Variants in TRAM2 observed in about 807,000 individuals in gnomAD.
The protein encoded by TRAM2 is translocating chain-associated membrane protein 2.
TRAM2 carries 12 observed loss-of-function variants against 51.0 expected under a neutral mutation model. That is an observed-to-expected ratio of 0.24 (90% CI 0.15 to 0.38). The LOEUF (loss-of-function observed/expected upper bound fraction) is 0.38. Ranked by LOEUF, TRAM2 falls within the 10% of genes least tolerant of loss-of-function variation. The probability of loss-of-function intolerance (pLI) is 1.00; values close to 1 mark genes in which losing one functional copy is unlikely to be tolerated. For missense variants in TRAM2, 361 were observed against 462.0 expected (o/e 0.78, Z 2.00); for synonymous variants, 175 against 179.4 (o/e 0.98, Z 0.20).
chr6:52,577,050 G>C lies in TRAM2; in HGVS notation c.-135C>G, dbSNP rs1314374393. 7 of 1,043,720 alleles carry C rather than the reference G, an allele frequency of 6.7e-6. No homozygotes were observed. Among genetic ancestry groups the C allele is most frequent in the East Asian group, 4.4e-5 (1 of 22,556 alleles). 64.7% of individuals were successfully genotyped at this position (1,043,720 alleles called of 1,614,324 possible). On this transcript the variant is annotated 5_prime_UTR_variant, in exon 1 of 11. Transcript: ENST00000182527. ...CCACAGCCGCTCGCCCGCCCAGCGC[G>C]GAACAACTTCGGGGCCCGCCCCCTT... is the stretch of plus-strand genomic sequence containing the variant.
chr6:52,522,201 G>A (rs903162301), intron 2 of TRAM2, among the ~76,000 whole-genome samples: 1 of 152,182 alleles, frequency 6.6e-6, no homozygotes. Flanking sequence ...ATAAATACAC[G>A]TTAAAACTGA....
At chr6:52,545,255 CCCT>C (rs1389826291) in intron 1 of TRAM2, among the ~76,000 whole-genome samples, 1 of 151,926 alleles carries the variant, frequency 6.6e-6, no homozygotes, top group Non-Finnish European at 1.5e-5. Flanking sequence ...GCATCAGACA[CCCT>C]CGGCCATGGC....
chr6:52,543,042 C>T (rs77597761), intron 1 of TRAM2, among the ~76,000 whole-genome samples: 12,342 of 152,192 alleles, frequency 0.081, 724 homozygotes, highest in Non-Finnish European at 0.12. Context: ...TGTATTTATG[C>T]AATTTATGCT....
intron 2 of TRAM2, among the ~76,000 whole-genome samples, chr6:52,531,643 G>C (rs1766894455): frequency 6.6e-6 from 1 of 152,184 alleles, no homozygotes; most frequent in Non-Finnish European, 1.5e-5. Context: ...GCCCTCACTT[G>C]AGGGCTTTTG....
intron 1 of TRAM2, 138 bp downstream of exon 1, chr6:52,576,658 C>T: frequency 1.6e-6 from 2 of 1,226,662 alleles, no homozygotes; most frequent in Non-Finnish European, 2.2e-6. Context: ...GTACAGTGCA[C>T]AAAGCCGGGG....
rs151100207 is a variant in TRAM2 at position 52,546,192 on chromosome 6, C to T, written c.121-10346G>A. Among the ~76,000 whole-genome samples the T allele has an allele frequency of 5.2e-3, 795 of 152,170 alleles. 1 individual carries two copies. Among genetic ancestry groups the T allele is most frequent in the Middle Eastern group, 0.031 (9 of 294 alleles). ...CTACAGGCTGAGGGAACTGCATGCA[C>T]TAAAGCAGAGAGAAGGGAGAAATGT... is the stretch of plus-strand genomic sequence containing the variant. On this transcript the variant is annotated intron_variant, in intron 1 of 10. Transcript: ENST00000182527.
chr6:52,565,423 G>A (rs74544247), intron 1 of TRAM2, among the ~76,000 whole-genome samples: 19,459 of 152,072 alleles, frequency 0.13, 1,434 homozygotes, highest in African/African-American at 0.17. Context: ...TGCGGGCTTC[G>A]GTTCCGGTAT....
intron 1 of TRAM2, among the ~76,000 whole-genome samples, chr6:52,556,289 T>G (rs1436639894): frequency 1.3e-5 from 2 of 149,200 alleles, no homozygotes; most frequent in Non-Finnish European, 3.0e-5. Context: ...GTTTGGCTTT[T>G]TTTTTTTTTG....
Position 52,499,617 on chromosome 6 carries a change from AC to A in TRAM2, c.*3579del, listed in dbSNP as rs1044116793. ...TAGCTGCTTAGAAAAAAGAAGGGGT[AC>A]TGACAAAGGAGGTCCCAAAAGAGAC... On this transcript the variant is annotated 3_prime_UTR_variant, in exon 11 of 11. Transcript: ENST00000182527. The A allele has an allele frequency of 9.2e-5, 14 of 152,120 alleles. No homozygotes were observed. The highest frequency in any genetic ancestry group is 3.4e-4 in the African/African-American group (14 of 41,406). 9.4% of individuals were successfully genotyped at this position (152,120 alleles called of 1,614,324 possible). A position where few individuals can be genotyped will look rare whatever the true frequency, so the allele number is the denominator to read the frequency against.
intron 1 of TRAM2, among the ~76,000 whole-genome samples, chr6:52,574,863 G>A (rs1767737383): frequency 6.6e-6 from 1 of 152,172 alleles, no homozygotes; most frequent in African/African-American, 2.4e-5. Context: ...GATAAAACAG[G>A]GAGGGCCACA....
At chr6:52,574,924 G>GA (rs935591212) in intron 1 of TRAM2, among the ~76,000 whole-genome samples, 1 of 152,168 alleles carries the variant, frequency 6.6e-6, no homozygotes, top group Non-Finnish European at 1.5e-5. Context: ...GGCTATGCGA[G>GA]AAACTTCGTC....
At chr6:52,566,550 AAC>A (rs1208356014) in intron 1 of TRAM2, among the ~76,000 whole-genome samples, 3 of 152,006 alleles carry the variant, frequency 2.0e-5, no homozygotes, top group Non-Finnish European at 4.4e-5. Flanking sequence ...TGTCTTTCCT[AAC>A]AGTCTTTAAA....
intron 2 of TRAM2, chr6:52,529,632 C>A (rs1766849951): frequency 6.6e-6 from 1 of 152,184 alleles, no homozygotes; most frequent in South Asian, 2.1e-4. Flanking sequence ...TCTACAAGAA[C>A]CACTGGGGCT....
intron 8 of TRAM2, 21 bp from the exon 9 acceptor site, chr6:52,505,763 G>T: frequency 6.3e-7 from 1 of 1,588,454 alleles, no homozygotes; most frequent in South Asian, 1.1e-5. Context: ...AGGCAGAAGA[G>T]GGATGTCAGT....
At position 52,570,460 on chromosome 6, in the gene TRAM2, T is replaced by C. The variant is rs140031641; in HGVS notation, c.120+6336A>G. ...CACAGACACCCCATTTGTGGAAGCA[T>C]TGGGGCTGAGCTCTAAATGTGAGCC... On this transcript the variant is annotated intron_variant, in intron 1 of 10. Coordinates refer to ENST00000182527, the MANE Select transcript of TRAM2 (RefSeq NM_012288.4). Among the ~76,000 whole-genome samples the C allele has an allele frequency of 2.1e-3, 324 of 152,260 alleles. 1 individual carries two copies. The highest frequency in any genetic ancestry group is 7.4e-3 in the African/African-American group (306 of 41,550).
At chr6:52,532,371 G>A (rs928124107) in intron 2 of TRAM2, among the ~76,000 whole-genome samples, 1 of 152,116 alleles carries the variant, frequency 6.6e-6, no homozygotes, top group Non-Finnish European at 1.5e-5. Flanking sequence ...GAAATGTAAT[G>A]AAAACACCAG....
intron 3 of TRAM2, 50 bp from the exon 4 acceptor site, chr6:52,516,172 T>C (rs1484497448): frequency 1.3e-6 from 2 of 1,548,688 alleles, no homozygotes; most frequent in Admixed American, 1.7e-5. Context: ...GTATCCATAT[T>C]GGGCAGGTTT....
intron 1 of TRAM2, among the ~76,000 whole-genome samples, chr6:52,550,785 C>T (rs1477791891): frequency 1.3e-5 from 2 of 152,052 alleles, no homozygotes; most frequent in Non-Finnish European, 2.9e-5. Context: ...CTCCTGGCCT[C>T]AAGAGATCCA....
intron 1 of TRAM2, among the ~76,000 whole-genome samples, chr6:52,540,678 C>T (rs950420494): frequency 5.3e-5 from 8 of 152,222 alleles, no homozygotes; most frequent in Admixed American, 2.0e-4. Flanking sequence ...TCCGCAAGCA[C>T]CAGCTGAGTT....
Sources: gnomAD v4.1 joint callset for allele counts (sites outside exome capture counted in the v4.1 genomes callset) on GRCh38, gnomAD v4.1.1 for gene constraint, MANE v1.5 for transcripts, NCBI Gene and HGNC (gene_info 2026-07-23, HGNC 2026-07-21) for gene names.